ACSS2: variants seen among roughly 807,000 people sequenced by gnomAD.
The protein encoded by ACSS2 is acyl-CoA synthetase short chain family member 2.
In ACSS2, 58 loss-of-function variants were observed where a neutral mutation model predicts 90.6. That is an observed-to-expected ratio of 0.64 (90% confidence interval 0.52 to 0.80). The LOEUF (loss-of-function observed/expected upper bound fraction) is 0.80. Among genes scored for constraint, ACSS2 ranks in the 30% least tolerant of loss-of-function variants. The pLI is 0.00. For missense variants in ACSS2, 759 were observed against 912.0 expected, an observed-to-expected ratio of 0.83 and a Z score of 2.16; for synonymous variants, 300 against 330.9, an observed-to-expected ratio of 0.91 and a Z score of 1.01.
At chr20:34,911,073 T>C (rs1211732480) in intron 2 of ACSS2, among the ~76,000 whole-genome samples, 1 of 151,964 alleles carries the variant, frequency 6.6e-6, no homozygotes, top group Non-Finnish European at 1.5e-5. Flanking sequence ...CAGGTGATCC[T>C]CCTGCCTTGG....
At chr20:34,885,069 G>T (rs1398584292) in intron 2 of ACSS2, among the ~76,000 whole-genome samples, 1 of 152,000 alleles carries the variant, frequency 6.6e-6, no homozygotes, top group South Asian at 2.1e-4. Flanking sequence ...GCATGGTGGT[G>T]CACGCCTGTA....
intron 13 of ACSS2, 35 bp from the exon 14 acceptor site, chr20:34,923,288 G>C: frequency 6.9e-7 from 1 of 1,440,288 alleles, no homozygotes; most frequent in Non-Finnish European, 9.8e-7. Context: ...AGACAGCATA[G>C]CAAATGTGAT....
At chr20:34,922,399 T>C (rs1044925115) in intron 13 of ACSS2, 2 of 152,674 alleles carry the variant, frequency 1.3e-5, no homozygotes, top group African/African-American at 4.8e-5. Flanking sequence ...AGGCCAGGAG[T>C]GCAAGACCAG....
Position 34,876,774 on chromosome 20 carries a change from G to T in ACSS2, c.129G>T (p.Ser43=), listed in dbSNP as rs1223514257. ...TCAGCCGCTCCGCGCACGTCCCCTC[G>T]CTGCAGCGCTACCGCGAGCTGCACC... is the stretch of plus-strand genomic sequence containing the variant. ...PEVSRSAHVP[S]LQRYRELHRR... is the part of the protein sequence containing the mutation. The change falls in exon 1 of 18, where the codon TCG becomes TCT. Residue 43 remains serine (S), a synonymous_variant. Coordinates refer to ENST00000360596, the MANE Select transcript of ACSS2 (RefSeq NM_018677.4). The T allele has an allele frequency of 2.2e-6, 3 of 1,389,534 alleles. No homozygotes were observed. The highest frequency in any genetic ancestry group is 2.8e-6 in the Non-Finnish European group (3 of 1,063,652). The allele number at this position is 1,389,534 out of a possible 1,614,324, so 86.1% of individuals were successfully genotyped here. A position where few individuals can be genotyped will look rare whatever the true frequency, so the allele number is the denominator to read the frequency against.
At chr20:34,907,979 G>A (rs2080850970) in intron 2 of ACSS2, among the ~76,000 whole-genome samples, 1 of 152,242 alleles carries the variant, frequency 6.6e-6, no homozygotes, top group Non-Finnish European at 1.5e-5. Flanking sequence ...CACACTATGA[G>A]GGAGAGTCCT....
At position 34,925,775 on chromosome 20, in the gene ACSS2, C is replaced by T. The variant is rs2081304726; in HGVS notation, c.1726+9C>T. The T allele has an allele frequency of 2.5e-6, 4 of 1,611,196 alleles. No homozygotes were observed. The Admixed American group carries it at 5.0e-5, about 20-fold the overall frequency. The stretch of plus-strand genomic sequence containing the variant: ...CATGCTCAATGTATCTGGTGAGGGC[C>T]AGGGGCCACCTTCCCATCTTATTAA... On this transcript the variant is annotated intron_variant, in intron 15 of 17. Transcript: ENST00000360596.
At chr20:34,878,095 A>G (rs2079973181) in intron 1 of ACSS2, among the ~76,000 whole-genome samples, 1 of 152,062 alleles carries the variant, frequency 6.6e-6, no homozygotes, top group Admixed American at 6.6e-5. Context: ...CATGACACCC[A>G]GCTACTTTTT....
At chr20:34,913,904 G>A in intron 5 of ACSS2, 79 bp downstream of exon 5, 3 of 1,482,362 alleles carry the variant, frequency 2.0e-6, no homozygotes, top group Non-Finnish European at 2.8e-6. Context: ...TGGTATTTGG[G>A]GCTACTCAGC....
rs140405145 is a variant in ACSS2 at position 34,911,969 on chromosome 20, C to T, written c.375-1127C>T. On this transcript the variant is annotated intron_variant, in intron 2 of 17. Coordinates refer to ENST00000360596, the MANE Select transcript of ACSS2 (RefSeq NM_018677.4). ...AGTAGCTGGGATTACAGGCGTGTGC[C>T]ACCACACCCAGCTAATTTTTGTATT... 4.1e-3 allele frequency among the ~76,000 whole-genome samples: 618 copies of T among 152,076 alleles called. 2 individuals carry two copies. Among genetic ancestry groups the T allele is most frequent in the African/African-American group, 0.014 (586 of 41,500 alleles).
chr20:34,898,511 C>T (rs200464352), intron 2 of ACSS2, among the ~76,000 whole-genome samples: 1 of 148,518 alleles, frequency 6.7e-6, no homozygotes, highest in East Asian at 2.0e-4. Context: ...TTGGTGTGTT[C>T]ACAAACCTTG....
intron 2 of ACSS2, among the ~76,000 whole-genome samples, chr20:34,912,832 G>A (rs954960341): frequency 2.0e-5 from 3 of 152,174 alleles, no homozygotes; most frequent in Non-Finnish European, 4.4e-5. Flanking sequence ...AGAAGGGGCC[G>A]TCACTCCATT....
At position 34,925,747 on chromosome 20, in the gene ACSS2, T is replaced by C. The variant is rs1273344826; in HGVS notation, c.1707T>C (p.Asp569=). The change falls in exon 15 of 18, where the codon GAT becomes GAC. Residue 569 remains aspartate, a synonymous_variant. Coordinates refer to ENST00000360596, the MANE Select transcript of ACSS2 (RefSeq NM_018677.4). Reference sequence around the variant, plus strand: ...ATTACTGGATCACTGGCAGGATTGATGACATGCTCAATGTATCTGGTGAGG... The same window carrying C: ...ATTACTGGATCACTGGCAGGATTGACGACATGCTCAATGTATCTGGTGAGG... The part of the protein sequence containing the change: ...DGYYWITGRI[D]DMLNVSGHLL... 1 of 1,613,400 alleles carries C rather than the reference T, an allele frequency of 6.2e-7. No individual in the cohort carries two copies. Among genetic ancestry groups the C allele is most frequent in the East Asian group, 2.2e-5 (1 of 44,888 alleles).
At chr20:34,876,176 C>T (rs868326354), upstream of ACSS2, among the ~76,000 whole-genome samples, 1 of 152,100 alleles carries the variant, frequency 6.6e-6, no homozygotes, top group South Asian at 2.1e-4. Flanking sequence ...TAACCCAACC[C>T]CTTATCTGTC....
chr20:34,877,466 G>A (rs189735022), intron 1 of ACSS2, among the ~76,000 whole-genome samples: 1 of 152,264 alleles, frequency 6.6e-6, no homozygotes, highest in East Asian at 1.9e-4. Context: ...CTTGGGCTGG[G>A]ATTGTATTAG....
intron 2 of ACSS2, among the ~76,000 whole-genome samples, chr20:34,894,438 C>G (rs2080413991): frequency 6.6e-6 from 1 of 152,020 alleles, no homozygotes; most frequent in African/African-American, 2.4e-5. Context: ...TGAAGTGAGC[C>G]AAGATCATGC....
chr20:34,876,771 C>T lies in ACSS2; in HGVS notation c.126C>T (p.Pro42=). 1 of 1,407,768 alleles carries T rather than the reference C, an allele frequency of 7.1e-7. No homozygotes were observed. Among genetic ancestry groups the T allele is most frequent in the South Asian group, 1.5e-5 (1 of 66,806 alleles). The allele number at this position is 1,407,768 out of a possible 1,614,324, so 87.2% of individuals were successfully genotyped here. The change falls in exon 1 of 18, where the codon CCC becomes CCT. Residue 42 remains proline, a synonymous_variant. Coordinates refer to ENST00000360596, the MANE Select transcript of ACSS2 (RefSeq NM_018677.4). The part of the protein sequence containing the change: ...PPEVSRSAHV[P]SLQRYRELHR... ...AGGTCAGCCGCTCCGCGCACGTCCCCTCGCTGCAGCGCTACCGCGAGCTGC... is the reference window on the plus strand; with the variant it reads ...AGGTCAGCCGCTCCGCGCACGTCCCTTCGCTGCAGCGCTACCGCGAGCTGC...
rs1212857108 is a variant in ACSS2, at chr20:34,905,936, C to G, written c.375-7160C>G. ...GAGGAAAGAGGCCTGGACCTTAAGT[C>G]GTGGTCCCTGCTCTGCTGTGGTAAC... On this transcript the variant is annotated intron_variant, in intron 2 of 17. Coordinates refer to ENST00000360596, the MANE Select transcript of ACSS2 (RefSeq NM_018677.4). Among the ~76,000 whole-genome samples the G allele has an allele frequency of 3.3e-5, 5 of 152,112 alleles. No individual in the cohort carries two copies. The East Asian group carries it at 9.7e-4, about 29-fold the overall frequency.
upstream of ACSS2, chr20:34,876,381 AC>A (rs959591892): frequency 7.2e-5 from 23 of 320,326 alleles, no homozygotes; most frequent in African/African-American, 5.2e-4. Context: ...CTTTCACTCG[AC>A]GGCGTCACTC....
intron 2 of ACSS2, among the ~76,000 whole-genome samples, chr20:34,895,721 G>A (rs944535116): frequency 6.6e-6 from 1 of 152,218 alleles, no homozygotes; most frequent in Non-Finnish European, 1.5e-5. Context: ...AAGGGTAATT[G>A]TAAAAGAGAG....
Sources: allele counts gnomAD v4.1 joint callset (sites outside exome capture counted in the v4.1 genomes callset), GRCh38; gene constraint gnomAD v4.1.1; transcripts MANE v1.5; gene names NCBI Gene and HGNC (gene_info 2026-07-23, HGNC 2026-07-21).